Variants in IP6K2 observed in about 807,000 individuals in gnomAD.
IP6K2 encodes the protein ATP:1D-myo-inositol-hexakisphosphate phosphotransferase.
In IP6K2, 9 loss-of-function variants were observed where a neutral mutation model predicts 43.3. The ratio of observed to expected loss-of-function variants is 0.21; its 90% CI spans 0.13 to 0.36. IP6K2 has a LOEUF of 0.36. IP6K2 is among the 10% of genes least tolerant of loss of function. IP6K2 has a pLI of 1.00. For synonymous variants in IP6K2, 209 were observed against 202.4 expected (o/e 1.03, Z -0.28); for missense variants, 332 against 538.4 (o/e 0.62, Z 3.79).
At chr3:48,701,942 T>C (rs1252174841) in intron 1 of IP6K2, among the ~76,000 whole-genome samples, 4 of 151,356 alleles carry the variant, frequency 2.6e-5, no homozygotes, top group African/African-American at 7.3e-5. Flanking sequence ...TGTCCAATAG[T>C]TTCTACATAC....
rs1398872336 is a variant in IP6K2, at chr3:48,695,398, G to T, written c.-107C>A. 1 of 1,453,072 alleles carries T rather than the reference G, an allele frequency of 6.9e-7. No individual in the cohort carries two copies. Among genetic ancestry groups the T allele is most frequent in the Admixed American group, 2.6e-5 (1 of 38,574 alleles). 90.0% of individuals were successfully genotyped at this position (1,453,072 alleles called of 1,614,324 possible). On this transcript the variant is annotated 5_prime_UTR_variant, in exon 2 of 6. Coordinates refer to ENST00000328631, the MANE Select transcript of IP6K2 (RefSeq NM_016291.4). The surrounding 1 kb of genome is among the most constrained non-coding windows in gnomAD (Gnocchi z 4.6). ...GTGTCCCTCTCGTCTTGGCTCCTTG[G>T]CTTGTTCTGGCCAGGATGCTCTGCT...
chr3:48,689,783 A>G, intron 4 of IP6K2, 70 bp from the exon 5 acceptor site: 1 of 1,378,784 alleles, frequency 7.3e-7, no homozygotes, highest in South Asian at 1.2e-5. Context: ...CTCAAGGTAC[A>G]GTGCCTTGAT....
intron 1 of IP6K2, among the ~76,000 whole-genome samples, chr3:48,703,628 A>C (rs2106936094): frequency 6.6e-6 from 1 of 151,942 alleles, no homozygotes; most frequent in African/African-American, 2.4e-5. Context: ...GAGGCAGGAG[A>C]ATGGCGTGAA....
Position 48,688,607 on chromosome 3 carries a change from G to A in IP6K2, c.947C>T (p.Ala316Val). ...GTAGGACTCCTGTCGCTCCAACACT[G>A]CCTTGAGCTCAGTCAGCTTCTTGAG... is the stretch of plus-strand genomic sequence containing the variant. ...PVLKKLTELK[A>V]VLERQESYRF... The change falls in exon 6 of 6, where the codon GCA (alanine) becomes GTA (valine). Residue 316 changes from alanine (A) to valine (V), a missense_variant. Ala to Val is a moderately conservative substitution (Grantham distance 64). Transcript: ENST00000328631. This position sits in a 1 kb window ranked among gnomAD's most constrained non-coding sequence, Gnocchi z 5.1. 1 of 1,614,202 alleles carries A rather than the reference G, an allele frequency of 6.2e-7. No individual in the cohort carries two copies. The highest frequency in any genetic ancestry group is 8.5e-7 in the Non-Finnish European group (1 of 1,180,044).
chr3:48,693,981 A>AT, intron 2 of IP6K2: 1 of 1,387,480 alleles, frequency 7.2e-7, no homozygotes, highest in Non-Finnish European at 9.4e-7. Flanking sequence ...GGTGCCGACG[A>AT]GCGCCTTACA....
At chr3:48,712,727 T>A (rs1415363521) in intron 1 of IP6K2, among the ~76,000 whole-genome samples, 2 of 150,866 alleles carry the variant, frequency 1.3e-5, no homozygotes, top group Non-Finnish European at 3.0e-5. Flanking sequence ...TTAAAATTTG[T>A]ATGTGCAGGC....
chr3:48,693,791 T>C, intron 2 of IP6K2: 1 of 1,058,280 alleles, frequency 9.4e-7, no homozygotes, highest in Non-Finnish European at 1.1e-6. Context: ...ATGTTTTTAT[T>C]GGTCTTTGCA....
intron 2 of IP6K2, chr3:48,694,565 AT>A: frequency 6.6e-7 from 1 of 1,523,852 alleles, no homozygotes; most frequent in South Asian, 1.3e-5. Flanking sequence ...AAATTATCAT[AT>A]GTGAATCGAA....
In IP6K2 at chr3:48,688,147, G is replaced by A. The variant is rs549654105; in HGVS notation, c.*126C>T. 2.5e-5 allele frequency: 25 copies of A among 991,614 alleles called. No individual in the cohort carries two copies. Among genetic ancestry groups the A allele is most frequent in the Non-Finnish European group, 3.7e-5 (24 of 653,974 alleles). 61.4% of individuals were successfully genotyped at this position (991,614 alleles called of 1,614,324 possible). A position where few individuals can be genotyped will look rare whatever the true frequency, so the allele number is the denominator to read the frequency against. ...GGACTGGCTCAGGCTGGGGCTCACAGAGGCCACTGCACATCAGCTCCAGGC... is the reference window on the plus strand; with the variant it reads ...GGACTGGCTCAGGCTGGGGCTCACAAAGGCCACTGCACATCAGCTCCAGGC... On this transcript the variant is annotated 3_prime_UTR_variant, in exon 6 of 6. Coordinates refer to ENST00000328631, the MANE Select transcript of IP6K2 (RefSeq NM_016291.4). The surrounding 1 kb of genome is among the most constrained non-coding windows in gnomAD (Gnocchi z 5.1).
rs761966668 is a variant in IP6K2, at chr3:48,688,791, G to C, written c.781-18C>G. 3.0e-5 allele frequency: 47 copies of C among 1,584,704 alleles called. No individual in the cohort carries two copies. The Admixed American group carries it at 7.8e-4, about 26-fold the overall frequency. ...TGGTACACCTGTAGGAGAGAGACCA[G>C]CAAGTCAGGGGCTGAGGGCCATCTC... On this transcript the variant is annotated intron_variant, in intron 5 of 5. Transcript: ENST00000328631. The surrounding 1 kb of genome is among the most constrained non-coding windows in gnomAD (Gnocchi z 5.1).
At chr3:48,705,100 C>T (rs2079554966) in intron 1 of IP6K2, among the ~76,000 whole-genome samples, 2 of 152,118 alleles carry the variant, frequency 1.3e-5, no homozygotes, top group Admixed American at 6.6e-5. Context: ...TGCCACCACA[C>T]CCGGCTAATT....
intron 1 of IP6K2, among the ~76,000 whole-genome samples, chr3:48,710,047 A>G (rs1160894588): frequency 1.3e-5 from 2 of 152,188 alleles, no homozygotes; most frequent in African/African-American, 4.8e-5. Context: ...TCTCTTCAGA[A>G]TCACCCAGTT....
chr3:48,710,819 C>T (rs554528681), intron 1 of IP6K2, among the ~76,000 whole-genome samples: 2 of 152,278 alleles, frequency 1.3e-5, no homozygotes, highest in African/African-American at 4.8e-5. Flanking sequence ...CCGTGTTAGC[C>T]AGGATGGTCT....
intron 2 of IP6K2, chr3:48,694,005 A>T: frequency 2.0e-5 from 27 of 1,381,656 alleles, no homozygotes; most frequent in South Asian, 1.1e-4. Flanking sequence ...GACTGGCTGA[A>T]CACCTTTCCT....
In IP6K2 at chr3:48,688,073, G is replaced by A. The variant is rs2077494038; in HGVS notation, c.*200C>T. The A allele has an allele frequency of 4.9e-6, 3 of 607,336 alleles. No homozygotes were observed. In the South Asian group the frequency reaches 6.0e-5, roughly 12 times the overall value. 37.6% of individuals were successfully genotyped at this position (607,336 alleles called of 1,614,324 possible). On this transcript the variant is annotated 3_prime_UTR_variant, in exon 6 of 6. Transcript: ENST00000328631. The surrounding 1 kb of genome is among the most constrained non-coding windows in gnomAD (Gnocchi z 5.1). ...AGAAAGAGGTATCATCATCAAATGT[G>A]GAATGTTGAAGAAATAGTTAAAATA... is the stretch of plus-strand genomic sequence containing the variant.
chr3:48,717,035 G>A (rs2081270227), intron 1 of IP6K2, 122 bp downstream of exon 1: 1 of 154,522 alleles, frequency 6.5e-6, no homozygotes, highest in Middle Eastern at 5.8e-4. Flanking sequence ...CAATGACCAC[G>A]GAAGAAGTCT....
At position 48,695,136 on chromosome 3, in the gene IP6K2, G is replaced by A. The variant is rs765448591; in HGVS notation, c.156C>T (p.Tyr52=). ...KPLVPREHQF[Y]ETLPAEMRKF... ...TGCGCATCTCAGCAGGGAGGGTCTC[G>A]TAGAACTGATGTTCCCTTGGGACCA... The change falls in exon 2 of 6, where the codon TAC becomes TAT. Residue 52 remains tyrosine, a synonymous_variant. Coordinates refer to ENST00000328631, the MANE Select transcript of IP6K2 (RefSeq NM_016291.4). This position sits in a 1 kb window ranked among gnomAD's most constrained non-coding sequence, Gnocchi z 4.6. The A allele has an allele frequency of 1.4e-5, 22 of 1,611,324 alleles. No individual in the cohort carries two copies. Among genetic ancestry groups the A allele is most frequent in the Admixed American group, 3.3e-5 (2 of 59,934 alleles).
chr3:48,706,596 A>T (rs2079813039), intron 1 of IP6K2, among the ~76,000 whole-genome samples: 4 of 151,980 alleles, frequency 2.6e-5, no homozygotes, highest in Admixed American at 1.3e-4. Context: ...AGGCTTGTAA[A>T]AGTAGCACTT....
intron 1 of IP6K2, among the ~76,000 whole-genome samples, chr3:48,697,340 TG>T (rs1408645435): frequency 3.3e-5 from 5 of 151,366 alleles, no homozygotes; most frequent in African/African-American, 1.2e-4. Flanking sequence ...CATTTTGTTT[TG>T]TTTTTTTTTT....
Sources: allele counts gnomAD v4.1 joint callset (sites outside exome capture counted in the v4.1 genomes callset), GRCh38; gene constraint gnomAD v4.1.1; non-coding constraint Gnocchi (gnomAD v3.1); transcripts MANE v1.5; gene names NCBI Gene and HGNC (gene_info 2026-07-23, HGNC 2026-07-21).